Variants in PHACTR1 observed in about 807,000 individuals in gnomAD.
PHACTR1 encodes the protein RPEL repeat containing 1.
In PHACTR1, 16 loss-of-function variants were observed where a neutral mutation model predicts 69.2. The observed-to-expected ratio is 0.23, with a 90% CI of 0.16 to 0.35. PHACTR1 has a LOEUF of 0.35. PHACTR1 is among the 10% of genes least tolerant of loss of function. The probability of loss-of-function intolerance (pLI) is 1.00; values close to 1 mark genes in which losing one functional copy is unlikely to be tolerated. For synonymous variants in PHACTR1, 312 were observed against 284.5 expected (o/e 1.10, Z -0.97); for missense variants, 510 against 734.7 (o/e 0.69, Z 3.54).
rs552802419 is a variant in PHACTR1 at position 12,880,908 on chromosome 6, G to T, written c.250+131118G>T. ...GAAATTTGGAGCTTTTGATTATCAG[G>T]CTGTGAAATGTGATCTTTTATCATG... On this transcript the variant is annotated intron_variant, in intron 4 of 14. Transcript: ENST00000332995. 6.6e-5 allele frequency among the ~76,000 whole-genome samples: 10 copies of T among 152,280 alleles called. No individual in the cohort carries two copies. In the South Asian group the frequency reaches 2.1e-3, roughly 32 times the overall value.
intron 5 of PHACTR1, among the ~76,000 whole-genome samples, chr6:13,133,214 TCCCC>T (rs1489197570): frequency 6.5e-5 from 1 of 15,328 alleles, no homozygotes; most frequent in African/African-American, 3.2e-4. Context: ...CCCCTCCCCC[TCCCC>T]CTCCCCCTCC....
intron 4 of PHACTR1, among the ~76,000 whole-genome samples, chr6:12,936,794 A>G (rs1020361902): frequency 6.6e-6 from 1 of 152,264 alleles, no homozygotes; most frequent in Non-Finnish European, 1.5e-5. Flanking sequence ...ATTAAAAAGA[A>G]GGCAAAAAGA....
intron 5 of PHACTR1, among the ~76,000 whole-genome samples, chr6:13,089,035 A>G (rs980948814): frequency 5.3e-5 from 8 of 152,210 alleles, no homozygotes; most frequent in Non-Finnish European, 5.9e-5. Flanking sequence ...GGGCTGCTTC[A>G]TCTCCTCTGT....
At chr6:12,864,344 C>T (rs1411102532) in intron 4 of PHACTR1, among the ~76,000 whole-genome samples, 1 of 152,120 alleles carries the variant, frequency 6.6e-6, no homozygotes, top group Non-Finnish European at 1.5e-5. Flanking sequence ...ATTGATGCTG[C>T]TGATTCAAAA....
chr6:12,773,723 G>A (rs761299754), intron 4 of PHACTR1, among the ~76,000 whole-genome samples: 2 of 152,150 alleles, frequency 1.3e-5, no homozygotes, highest in Non-Finnish European at 2.9e-5. Context: ...CCACATGGAT[G>A]TTTCACTTTG....
At chr6:13,019,192 CG>C (rs1478666833) in intron 4 of PHACTR1, among the ~76,000 whole-genome samples, 7 of 151,856 alleles carry the variant, frequency 4.6e-5, no homozygotes, top group Non-Finnish European at 7.4e-5. Context: ...GGATTACAAG[CG>C]TGAGCCGCAG....
intron 4 of PHACTR1, among the ~76,000 whole-genome samples, chr6:13,038,340 A>G (rs994816680): frequency 2.0e-5 from 3 of 152,142 alleles, no homozygotes; most frequent in Admixed American, 2.0e-4. Flanking sequence ...AGCCATAGGT[A>G]CAAATGAAAT....
chr6:12,804,984 TGC>T lies in PHACTR1; in HGVS notation c.250+55195_250+55196del, dbSNP rs576712973. 2.6e-5 allele frequency among the ~76,000 whole-genome samples: 4 copies of T among 152,324 alleles called. No homozygotes were observed. In the South Asian group the frequency reaches 6.2e-4, roughly 24 times the overall value. ...CAAAATTATACAAAACAGCAATCAC[TGC>T]TTCATATGCTATTCAGAATTTTACC... On this transcript the variant is annotated intron_variant, in intron 4 of 14. Transcript: ENST00000332995.
chr6:13,186,191 C>T (rs1762806632), intron 7 of PHACTR1, among the ~76,000 whole-genome samples: 1 of 152,198 alleles, frequency 6.6e-6, no homozygotes, highest in Non-Finnish European at 1.5e-5. Context: ...TTGAAATTCA[C>T]AGAAAACTAC....
Position 12,852,075 on chromosome 6 carries a change from T to G in PHACTR1, c.250+102285T>G, listed in dbSNP as rs373945970. On this transcript the variant is annotated intron_variant, in intron 4 of 14. Coordinates refer to ENST00000332995, the MANE Select transcript of PHACTR1 (RefSeq NM_030948.6). ...GTCTCAAACTCCTGACCTCAGGGGA[T>G]TCCCCCTCCTTGGCCTCCCAAAGTG... Among the ~76,000 whole-genome samples the G allele has an allele frequency of 5.3e-5, 8 of 152,170 alleles. No individual in the cohort carries two copies. The East Asian group carries it at 1.2e-3, about 22-fold the overall frequency.
chr6:13,157,429 C>T (rs752862020), intron 5 of PHACTR1, among the ~76,000 whole-genome samples: 8 of 152,222 alleles, frequency 5.3e-5, no homozygotes, highest in Non-Finnish European at 8.8e-5. Flanking sequence ...TCTATCACGG[C>T]GATGGCTGTC....
rs558590097 is a variant in PHACTR1 at position 13,076,456 on chromosome 6, G to A, written c.415+22927G>A. Among the ~76,000 whole-genome samples, 17 of 152,276 alleles carry A rather than the reference G, an allele frequency of 1.1e-4. No homozygotes were observed. In the South Asian group the frequency reaches 3.1e-3, roughly 28 times the overall value. ...CAAACACGGAACACCTAGCAACACT[G>A]GCTCTGGTGGCTGCATAGAGAAAAA... On this transcript the variant is annotated intron_variant, in intron 5 of 14. Transcript: ENST00000332995.
At chr6:12,795,791 T>C (rs1270687202) in intron 4 of PHACTR1, among the ~76,000 whole-genome samples, 1 of 151,718 alleles carries the variant, frequency 6.6e-6, no homozygotes, top group Non-Finnish European at 1.5e-5. Flanking sequence ...CTTAGCCAAA[T>C]GTATTAACCT....
chr6:12,804,592 G>A (rs529071812), intron 4 of PHACTR1, among the ~76,000 whole-genome samples: 19 of 152,252 alleles, frequency 1.2e-4, no homozygotes, highest in African/African-American at 4.3e-4. Flanking sequence ...TTTTGGGAGG[G>A]GGGTGGATCC....
Position 13,041,280 on chromosome 6 carries a change from T to C in PHACTR1, c.251-12085T>C, listed in dbSNP as rs372558609. On this transcript the variant is annotated intron_variant, in intron 4 of 14. Coordinates refer to ENST00000332995, the MANE Select transcript of PHACTR1 (RefSeq NM_030948.6). ...CAAAGATATGAGCAGGGTTCCTTAC[T>C]TTCTGAGTAATAATCAAAACAAGTC... 4.6e-5 allele frequency among the ~76,000 whole-genome samples: 7 copies of C among 151,078 alleles called. No homozygotes were observed. The East Asian group carries it at 1.4e-3, about 30-fold the overall frequency.
chr6:12,749,877 T>C, intron 4 of PHACTR1, 87 bp downstream of exon 4: 1 of 1,239,716 alleles, frequency 8.1e-7, no homozygotes, highest in Non-Finnish European at 1.1e-6. Context: ...CCGGGCGTCC[T>C]CCCCGCCGCC....
At chr6:13,185,929 G>A (rs369233096) in intron 7 of PHACTR1, among the ~76,000 whole-genome samples, 9 of 152,294 alleles carry the variant, frequency 5.9e-5, no homozygotes, top group African/African-American at 2.2e-4. Flanking sequence ...GGGCTGACAG[G>A]AATTCTGTAA....
At chr6:12,733,669 T>G (rs1356291994) in intron 3 of PHACTR1, among the ~76,000 whole-genome samples, 1 of 152,214 alleles carries the variant, frequency 6.6e-6, no homozygotes, top group Non-Finnish European at 1.5e-5. Flanking sequence ...CAAATAGGAT[T>G]AAAGCCCCTG....
At chr6:12,876,442 G>T (rs953914359) in intron 4 of PHACTR1, among the ~76,000 whole-genome samples, 1 of 152,110 alleles carries the variant, frequency 6.6e-6, no homozygotes, top group African/African-American at 2.4e-5. Flanking sequence ...ATCCAAGGTC[G>T]CACAGCTAGT....
Sources: allele counts gnomAD v4.1 joint callset (sites outside exome capture counted in the v4.1 genomes callset), GRCh38; gene constraint gnomAD v4.1.1; transcripts MANE v1.5; gene names NCBI Gene and HGNC (gene_info 2026-07-23, HGNC 2026-07-21).